Variants in GPR158 observed in about 807,000 individuals in gnomAD.
The protein encoded by GPR158 is G protein-coupled receptor 158, also known as metabotropic glycine receptor.
A neutral mutation model predicts 78.2 loss-of-function variants in GPR158; 30 were observed. That is an observed-to-expected ratio of 0.38 (90% CI 0.29 to 0.52). The LOEUF (loss-of-function observed/expected upper bound fraction) is 0.52. Ranked by LOEUF, GPR158 falls within the 20% of genes least tolerant of loss-of-function variation. GPR158 has a pLI of 0.83. For missense variants in GPR158, 1,463 were observed against 1,523.5 expected (o/e 0.96, Z 0.66); for synonymous variants, 581 against 591.1 (o/e 0.98, Z 0.25).
chr10:25,332,515 ACAACT>A (rs747212945), intron 2 of GPR158, among the ~76,000 whole-genome samples: 1 of 152,210 alleles, frequency 6.6e-6, no homozygotes, highest in Non-Finnish European at 1.5e-5. Flanking sequence ...AACATGGCAC[ACAACT>A]CAACATCTAG....
At chr10:25,379,892 C>CT (rs34353740) in intron 2 of GPR158, among the ~76,000 whole-genome samples, 1,493 of 148,550 alleles carry the variant, frequency 0.01, 28 homozygotes, top group African/African-American at 0.034. Context: ...TATTTACCTC[C>CT]TTTTTTTTTT....
At chr10:25,387,380 G>A (rs531820182) in intron 2 of GPR158, among the ~76,000 whole-genome samples, 3 of 152,096 alleles carry the variant, frequency 2.0e-5, no homozygotes, top group Non-Finnish European at 4.4e-5. Flanking sequence ...GGTGAATTTG[G>A]TTTGAGATTT....
Position 25,175,555 on chromosome 10 carries a change from C to T in GPR158, c.135C>T (p.His45=), listed in dbSNP as rs1311300913. ...AGAGGACCCCGAAGGGGAAGCCGCACGCCCAGCAGCCGGGTCGAGCCTCTG... is the reference window on the plus strand; with the variant it reads ...AGAGGACCCCGAAGGGGAAGCCGCATGCCCAGCAGCCGGGTCGAGCCTCTG... ...PRERTPKGKP[H]AQQPGRASAS... The change falls in exon 1 of 11, where the codon CAC becomes CAT. Residue 45 remains histidine, a synonymous_variant. Coordinates refer to ENST00000376351, the MANE Select transcript of GPR158 (RefSeq NM_020752.3). This position sits in a 1 kb window ranked among gnomAD's most constrained non-coding sequence, Gnocchi z 6.4. 1.2e-6 allele frequency: 2 copies of T among 1,611,168 alleles called. No individual in the cohort carries two copies. Among genetic ancestry groups the T allele is most frequent in the African/African-American group, 1.3e-5 (1 of 74,914 alleles).
Position 25,598,750 on chromosome 10 carries a change from T to C in GPR158, c.3124T>C (p.Phe1042Leu), listed in dbSNP as rs1213069942. 1 of 1,614,052 alleles carries C rather than the reference T, an allele frequency of 6.2e-7. No individual in the cohort carries two copies. Among genetic ancestry groups the C allele is most frequent in the East Asian group, 2.2e-5 (1 of 44,868 alleles). Residue 1042 changes from phenylalanine (F) to leucine (L), a missense_variant, in exon 11 of 11, where the codon TTT becomes CTT. Transcript: ENST00000376351. The part of the protein sequence containing the change: ...VASEMEKNPT[F>L]SLKEKSHHKP... ...TTCTGAAATGGAGAAAAACCCCACTTTTTCCTTAAAGGAGAAATCTCACCA... is the reference window on the plus strand; with the variant it reads ...TTCTGAAATGGAGAAAAACCCCACTCTTTCCTTAAAGGAGAAATCTCACCA...
chr10:25,480,372 A>C (rs1199205963), intron 5 of GPR158, among the ~76,000 whole-genome samples: 1 of 152,190 alleles, frequency 6.6e-6, no homozygotes, highest in Non-Finnish European at 1.5e-5. Flanking sequence ...AACTATTTTA[A>C]ATGCAAAATT....
At chr10:25,220,552 G>T (rs1464951796) in intron 1 of GPR158, among the ~76,000 whole-genome samples, 1 of 152,200 alleles carries the variant, frequency 6.6e-6, no homozygotes, top group Non-Finnish European at 1.5e-5. Flanking sequence ...GACCTAAAGA[G>T]CTGTTTAGAG....
chr10:25,411,185 A>T (rs824604), intron 3 of GPR158, among the ~76,000 whole-genome samples: 125,193 of 151,810 alleles, frequency 0.82, 52,706 homozygotes, highest in African/African-American at 0.89. Context: ...CTTTACCTGT[A>T]GGGCTTCAGA....
At chr10:25,237,701 G>A (rs1428037744) in intron 2 of GPR158, among the ~76,000 whole-genome samples, 1 of 152,118 alleles carries the variant, frequency 6.6e-6, no homozygotes, top group Non-Finnish European at 1.5e-5. Context: ...TTTTAAAGCT[G>A]CATCTCTCTC....
chr10:25,503,947 A>C lies in GPR158; in HGVS notation c.1404+37228A>C, dbSNP rs1325748800. Among the ~76,000 whole-genome samples, 3 of 148,558 alleles carry C rather than the reference A, an allele frequency of 2.0e-5. No homozygotes were observed. The East Asian group carries it at 6.0e-4, about 30-fold the overall frequency. The stretch of plus-strand genomic sequence containing the variant: ...GCTCTGTCACCCCAGCTGGAGTGCG[A>C]TGGGGTGACCTTGGCTCACTGCAAT... On this transcript the variant is annotated intron_variant, in intron 5 of 10. Transcript: ENST00000376351.
intron 1 of GPR158, among the ~76,000 whole-genome samples, chr10:25,179,193 C>G (rs1299670205): frequency 1.3e-5 from 2 of 152,110 alleles, no homozygotes; most frequent in African/African-American, 4.8e-5. Flanking sequence ...TTCTAAAATT[C>G]TACAATATAG....
At chr10:25,209,194 T>G (rs1431253000) in intron 1 of GPR158, among the ~76,000 whole-genome samples, 1 of 152,182 alleles carries the variant, frequency 6.6e-6, no homozygotes, top group African/African-American at 2.4e-5. Context: ...ATGTGTAATA[T>G]GTAAATTGTA....
chr10:25,425,667 C>T (rs1564452213), intron 4 of GPR158, among the ~76,000 whole-genome samples: 1 of 152,096 alleles, frequency 6.6e-6, no homozygotes, highest in African/African-American at 2.4e-5. Context: ...GACTAATACC[C>T]AGAATCTACA....
intron 2 of GPR158, among the ~76,000 whole-genome samples, chr10:25,316,323 T>C (rs1854847741): frequency 6.6e-6 from 1 of 152,204 alleles, no homozygotes; most frequent in African/African-American, 2.4e-5. Flanking sequence ...CTCAGAAATA[T>C]TTTCATGGAG....
intron 8 of GPR158, among the ~76,000 whole-genome samples, chr10:25,589,469 G>A (rs755903081): frequency 2.0e-5 from 3 of 152,184 alleles, no homozygotes; most frequent in African/African-American, 4.8e-5. Context: ...AATGCAATAC[G>A]TGCATACATT....
At chr10:25,548,271 G>T (rs1836688949) in intron 5 of GPR158, among the ~76,000 whole-genome samples, 1 of 152,196 alleles carries the variant, frequency 6.6e-6, no homozygotes, top group South Asian at 2.1e-4. Flanking sequence ...TAACTACAAT[G>T]CAAGATGCAG....
intron 2 of GPR158, among the ~76,000 whole-genome samples, chr10:25,379,918 T>C (rs1760766): frequency 6.6e-6 from 1 of 150,402 alleles, no homozygotes; most frequent in African/African-American, 2.4e-5. Flanking sequence ...TGGATCTTGG[T>C]CCCTCCATTT....
At chr10:25,504,756 T>C (rs945166370) in intron 5 of GPR158, among the ~76,000 whole-genome samples, 4 of 152,236 alleles carry the variant, frequency 2.6e-5, no homozygotes, top group Non-Finnish European at 5.9e-5. Flanking sequence ...CTCTTAAGTT[T>C]ATATAAATTT....
intron 2 of GPR158, among the ~76,000 whole-genome samples, chr10:25,263,248 A>C (rs771544944): frequency 1.6e-4 from 25 of 152,188 alleles, no homozygotes; most frequent in Non-Finnish European, 2.5e-4. Context: ...TTTTTGCATG[A>C]GGATGTCCAG....
intron 3 of GPR158, among the ~76,000 whole-genome samples, chr10:25,411,928 T>C (rs1191666514): frequency 2.4e-4 from 17 of 69,582 alleles, no homozygotes; most frequent in African/African-American, 9.3e-4. Context: ...AGCGAGACTC[T>C]ATCACAAAAA....
Sources: gnomAD v4.1 joint callset for allele counts (sites outside exome capture counted in the v4.1 genomes callset) on GRCh38, gnomAD v4.1.1 for gene constraint, Gnocchi (gnomAD v3.1) non-coding constraint, MANE v1.5 for transcripts, NCBI Gene and HGNC (gene_info 2026-07-23, HGNC 2026-07-21) for gene names.